Variants in RDH13 observed in about 807,000 individuals in gnomAD.
The protein encoded by RDH13 is retinol dehydrogenase 13, also known as retinol dehydrogenase 13 (all-trans and 9-cis).
A neutral mutation model predicts 28.3 loss-of-function variants in RDH13; 35 were observed. The observed-to-expected ratio is 1.24, with a 90% CI of 0.95 to 1.64. RDH13 has a LOEUF of 1.64. RDH13 is among the 40% of genes most tolerant of loss of function. RDH13 has a pLI of 0.00. For missense variants in RDH13, 514 were observed against 446.3 expected (o/e 1.15, Z -1.37); for synonymous variants, 229 against 198.5 (o/e 1.15, Z -1.29).
chr19:55,048,518 G>C lies in RDH13; in HGVS notation c.469C>G (p.Leu157Val), dbSNP rs377628496. The C allele has an allele frequency of 1.2e-6, 2 of 1,614,050 alleles. No individual in the cohort carries two copies. The highest frequency in any genetic ancestry group is 1.7e-5 in the Admixed American group (1 of 59,994). The change falls in exon 5 of 7, where the codon CTG becomes GTG. Residue 157 changes from leucine (L) to valine (V), a missense_variant. By Grantham distance (32) the Leu-to-Val change is conservative. Coordinates refer to ENST00000415061, the MANE Select transcript of RDH13 (RefSeq NM_001145971.2). ...HLGHFLLTNLLLDKLKASAPS... is the reference protein window; with the variant it reads ...HLGHFLLTNLVLDKLKASAPS... Reference sequence around the variant, plus strand: ...GCTGAGGCTTTCAGCTTGTCCAGCAGCAAGTTTGTCAAGAGAAAGTGACCT... The same window carrying C: ...GCTGAGGCTTTCAGCTTGTCCAGCACCAAGTTTGTCAAGAGAAAGTGACCT...
chr19:55,040,549 TCA>T (rs1429682988), downstream of RDH13: 4 of 152,354 alleles, frequency 2.6e-5, no homozygotes, highest in South Asian at 8.3e-4. Context: ...CCTACATCTC[TCA>T]TTCAGTGACC....
At chr19:55,051,218 C>T (rs1450281763) in intron 3 of RDH13, among the ~76,000 whole-genome samples, 2 of 152,092 alleles carry the variant, frequency 1.3e-5, no homozygotes, top group African/African-American at 4.8e-5. Flanking sequence ...GACAGAGCTG[C>T]GTGGAAGCTG....
rs2075279640 is a variant in RDH13 at position 55,047,527 on chromosome 19, A to T, written c.659-39T>A. ...AAAGAGAAGACTGAGGGAGGGGTCC[A>T]GCCTCACCTGGGAGGCTGTGGCAGC... is the stretch of plus-strand genomic sequence containing the variant. On this transcript the variant is annotated intron_variant, in intron 5 of 6. Transcript: ENST00000415061. 3 of 1,571,912 alleles carry T rather than the reference A, an allele frequency of 1.9e-6. No homozygotes were observed. In the South Asian group the frequency reaches 3.4e-5, roughly 18 times the overall value.
chr19:55,068,461 C>G (rs576137239), intron 1 of RDH13: 1 of 151,990 alleles, frequency 6.6e-6, no homozygotes, highest in African/African-American at 2.4e-5. Flanking sequence ...TCGCTTGAGC[C>G]TGGGAGGCGG....
downstream of RDH13, among the ~76,000 whole-genome samples, chr19:55,043,940 G>A (rs534773081): frequency 6.7e-4 from 100 of 148,424 alleles, no homozygotes; most frequent in Non-Finnish European, 8.2e-4. Flanking sequence ...TTTTTGAGAC[G>A]GAATCTTGCT....
chr19:55,058,093 G>C (rs1404964175), intron 2 of RDH13, among the ~76,000 whole-genome samples: 1 of 151,906 alleles, frequency 6.6e-6, no homozygotes, highest in African/African-American at 2.4e-5. Context: ...CCATTTTTAA[G>C]TGTCCAGTTC....
chr19:55,056,506 A>C (rs905353865), intron 3 of RDH13, 147 bp downstream of exon 3: 3 of 912,924 alleles, frequency 3.3e-6, no homozygotes, highest in South Asian at 4.6e-5. Flanking sequence ...CAGGCTGTAC[A>C]AAAAAAGGCA....
At chr19:55,060,437 C>T (rs2075775392) in intron 1 of RDH13, among the ~76,000 whole-genome samples, 1 of 152,234 alleles carries the variant, frequency 6.6e-6, no homozygotes, top group South Asian at 2.1e-4. Context: ...CTTTTGCTCA[C>T]ATGGTTTTTG....
intron 2 of RDH13, among the ~76,000 whole-genome samples, chr19:55,058,484 G>A (rs1047073190): frequency 2.0e-5 from 3 of 151,190 alleles, no homozygotes; most frequent in Admixed American, 6.6e-5. Flanking sequence ...CTAAACTTCC[G>A]TTTCCATTAA....
chr19:55,068,219 A>G (rs1311552876), intron 1 of RDH13, among the ~76,000 whole-genome samples: 3 of 151,296 alleles, frequency 2.0e-5, no homozygotes, highest in Non-Finnish European at 2.9e-5. Flanking sequence ...ATCTTGAGAG[A>G]CCTCAGCAGT....
At chr19:55,056,452 C>T (rs2075636127) in intron 3 of RDH13, among the ~76,000 whole-genome samples, 1 of 142,092 alleles carries the variant, frequency 7.0e-6, no homozygotes, top group South Asian at 2.3e-4. Context: ...GTGAGACTCC[C>T]TCTCAAAATA....
chr19:55,056,532 C>T, intron 3 of RDH13, 121 bp downstream of exon 3: 6 of 1,280,282 alleles, frequency 4.7e-6, no homozygotes, highest in Non-Finnish European at 6.3e-6. Flanking sequence ...TGGACTTGGC[C>T]CCTAACTCAT....
rs766443365 is a variant in RDH13 at position 55,063,026 on chromosome 19, G to T, written c.7C>A (p.Arg3Ser). MS[R>S]YLLPLSALGT... The stretch of plus-strand genomic sequence containing the variant: ...AGCGCCGACAGCGGCAGCAGGTAGC[G>T]GCTCATGCCGGGCCGGGGACAGGCG... Residue 3 changes from arginine to serine, a missense_variant, in exon 1 of 7, where the codon CGC (arginine) becomes AGC (serine). By Grantham distance (110) the Arg-to-Ser change is moderately radical. Transcript: ENST00000415061. The T allele has an allele frequency of 1.4e-6, 2 of 1,432,100 alleles. No homozygotes were observed. The allele number at this position is 1,432,100 out of a possible 1,614,324, so 88.7% of individuals were successfully genotyped here.
chr19:55,056,910 A>G (rs1264367119), intron 2 of RDH13, 102 bp from the exon 3 acceptor site: 2 of 1,015,100 alleles, frequency 2.0e-6, no homozygotes, highest in Admixed American at 2.5e-5. Flanking sequence ...ACATCCACCA[A>G]TGTTCACTGC....
chr19:55,042,004 C>T (rs183482557), downstream of RDH13: 21 of 152,228 alleles, frequency 1.4e-4, no homozygotes, highest in African/African-American at 4.6e-4. Context: ...CAGAACGCTT[C>T]CTGGAGATAG....
intron 1 of RDH13, among the ~76,000 whole-genome samples, chr19:55,060,323 A>G (rs2075772086): frequency 6.6e-6 from 1 of 152,164 alleles, no homozygotes; most frequent in African/African-American, 2.4e-5. Flanking sequence ...CTGCCTTGTT[A>G]TTCTTTACTC....
At chr19:55,048,290 A>G (rs2075305019) in intron 5 of RDH13, 39 bp downstream of exon 5, 2 of 1,612,292 alleles carry the variant, frequency 1.2e-6, no homozygotes, top group Non-Finnish European at 1.7e-6. Context: ...CTAGGCTCAG[A>G]GTAAAGCAAG....
intron 2 of RDH13, among the ~76,000 whole-genome samples, 191 bp downstream of exon 2, chr19:55,058,966 C>T (rs1291225689): frequency 6.6e-5 from 10 of 152,332 alleles, no homozygotes; most frequent in Middle Eastern, 6.8e-3. Flanking sequence ...CGTGCACCAC[C>T]GCGCCCGGCC....
At chr19:55,055,307 C>G (rs926019431) in intron 3 of RDH13, among the ~76,000 whole-genome samples, 3 of 151,954 alleles carry the variant, frequency 2.0e-5, no homozygotes, top group African/African-American at 7.2e-5. Flanking sequence ...TGTGCACCAC[C>G]ACGCCTGGCT....
Sources: allele counts gnomAD v4.1 joint callset (sites outside exome capture counted in the v4.1 genomes callset), GRCh38; gene constraint gnomAD v4.1.1; transcripts MANE v1.5; gene names NCBI Gene and HGNC (gene_info 2026-07-23, HGNC 2026-07-21).